TNNI3K: variants seen among roughly 807,000 people sequenced by gnomAD.
The protein encoded by TNNI3K is serine/threonine-protein kinase TNNI3K.
TNNI3K carries 140 observed loss-of-function variants against 114.5 expected under a neutral mutation model. The observed-to-expected ratio is 1.22, with a 90% CI of 1.07 to 1.41. The LOEUF (loss-of-function observed/expected upper bound fraction) is 1.41, where lower values mean the gene tolerates loss of function less well. TNNI3K is among the 40% of genes most tolerant of loss of function. The pLI is 0.00. For synonymous variants in TNNI3K, 347 were observed against 347.5 expected (o/e 1.00, Z 0.02); for missense variants, 1,125 against 1,007.6 (o/e 1.12, Z -1.58).
At chr1:74,406,935 T>G (rs993227866) in intron 17 of TNNI3K, among the ~76,000 whole-genome samples, 1 of 152,236 alleles carries the variant, frequency 6.6e-6, no homozygotes, top group Non-Finnish European at 1.5e-5. Flanking sequence ...TTGCCTCGTT[T>G]CTTCCTTATC....
At chr1:74,256,283 C>CTTTTTTTTTTTTTTTTTTTTTTTTTT (rs61636791) in intron 4 of TNNI3K, among the ~76,000 whole-genome samples, 1 of 42,780 alleles carries the variant, frequency 2.3e-5, no homozygotes. Context: ...TGTGGTCAGT[C>CTTTTTTTTTTTTTTTTTTTTTTTTTT]TTTTTTTTTT....
intron 21 of TNNI3K, chr1:74,472,013 C>T (rs1399607044): frequency 2.9e-6 from 2 of 690,652 alleles, no homozygotes; most frequent in Non-Finnish European, 2.7e-6. Context: ...ACATAGTGTT[C>T]CTCAGGCTCA....
chr1:74,303,839 A>C (rs1311415854), intron 5 of TNNI3K, among the ~76,000 whole-genome samples: 1 of 152,230 alleles, frequency 6.6e-6, no homozygotes, highest in Non-Finnish European at 1.5e-5. Flanking sequence ...AAATACCTAC[A>C]GTAACAGGAG....
chr1:74,532,562 T>A (rs1231746297), intron 23 of TNNI3K, among the ~76,000 whole-genome samples: 2 of 152,008 alleles, frequency 1.3e-5, no homozygotes, highest in Non-Finnish European at 2.9e-5. Context: ...GCCATGCTGG[T>A]GTGCTGCACC....
intron 4 of TNNI3K, among the ~76,000 whole-genome samples, chr1:74,259,609 C>T (rs1289032919): frequency 6.6e-6 from 1 of 152,068 alleles, no homozygotes; most frequent in African/African-American, 2.4e-5. Context: ...CTTGTCTCTA[C>T]TAAAAATACA....
intron 7 of TNNI3K, among the ~76,000 whole-genome samples, chr1:74,338,688 G>A (rs1660602334): frequency 6.6e-6 from 1 of 152,046 alleles, no homozygotes; most frequent in South Asian, 2.1e-4. Context: ...TACCCATAAG[G>A]AATATACAAA....
intron 17 of TNNI3K, among the ~76,000 whole-genome samples, chr1:74,426,134 A>G (rs550252910): frequency 1.4e-4 from 21 of 152,254 alleles, no homozygotes; most frequent in African/African-American, 4.8e-4. Context: ...TGTGTTCGCT[A>G]AGGGGAGATG....
intron 20 of TNNI3K, among the ~76,000 whole-genome samples, chr1:74,450,491 T>C (rs1666940288): frequency 6.6e-6 from 1 of 152,090 alleles, no homozygotes; most frequent in Non-Finnish European, 1.5e-5. Context: ...AGAAAATGTT[T>C]ATTATCTATC....
chr1:74,523,441 C>A (rs142887992), intron 23 of TNNI3K, among the ~76,000 whole-genome samples: 4 of 151,220 alleles, frequency 2.6e-5, no homozygotes, highest in African/African-American at 9.7e-5. Flanking sequence ...TAAGATTTTT[C>A]TTTTTTTTAA....
intron 24 of TNNI3K, among the ~76,000 whole-genome samples, chr1:74,543,069 T>C (rs1226479530): frequency 0.44 from 38,601 of 87,986 alleles, 13,086 homozygotes; most frequent in East Asian, 0.7. Context: ...TTTCCCTTTT[T>C]TTTTTTTTTT....
At chr1:74,495,942 G>A (rs528628121) in intron 23 of TNNI3K, among the ~76,000 whole-genome samples, 99 of 152,266 alleles carry the variant, frequency 6.5e-4, no homozygotes, top group South Asian at 4.6e-3. Context: ...TAAAGTCAGA[G>A]AGCCCAAGGA....
chr1:74,375,155 T>A (rs1213202590), intron 17 of TNNI3K: 1 of 156,354 alleles, frequency 6.4e-6, no homozygotes, highest in Admixed American at 6.2e-5. Context: ...GCATTTTTTA[T>A]TACTCTTAAT....
chr1:74,245,458 T>A (rs1158388053), intron 2 of TNNI3K, among the ~76,000 whole-genome samples: 1 of 152,174 alleles, frequency 6.6e-6, no homozygotes, highest in East Asian at 1.9e-4. Context: ...CCCAGGACAT[T>A]TTTCAGTAGA....
At chr1:74,520,465 T>C (rs181415231) in intron 23 of TNNI3K, among the ~76,000 whole-genome samples, 31 of 152,114 alleles carry the variant, frequency 2.0e-4, no homozygotes, top group African/African-American at 5.5e-4. Context: ...GACCTTCTCA[T>C]TTCTGAGGCC....
chr1:74,315,263 A>G (rs771778108), intron 5 of TNNI3K, among the ~76,000 whole-genome samples: 3 of 152,186 alleles, frequency 2.0e-5, no homozygotes, highest in Admixed American at 6.5e-5. Context: ...AGATTCCATT[A>G]TTAGTCTAGT....
chr1:74,302,124 A>C (rs995684383), intron 5 of TNNI3K, among the ~76,000 whole-genome samples: 1 of 152,210 alleles, frequency 6.6e-6, no homozygotes, highest in Non-Finnish European at 1.5e-5. Context: ...CCTGTGTCAC[A>C]TTTTGATAAT....
rs1290177020 is a variant in TNNI3K, at chr1:74,336,158, A to G, written c.682+9A>G. The stretch of plus-strand genomic sequence containing the variant: ...AGGCAGCAAAGCAGATGGTAAGATT[A>G]TATATTTAAAAGACCTTTGCTATCA... On this transcript the variant is annotated intron_variant, in intron 7 of 24. Coordinates refer to ENST00000326637, the MANE Select transcript of TNNI3K (RefSeq NM_015978.3). 8 of 1,591,404 alleles carry G rather than the reference A, an allele frequency of 5.0e-6. No homozygotes were observed. Among genetic ancestry groups the G allele is most frequent in the African/African-American group, 2.7e-5 (2 of 73,258 alleles).
chr1:74,362,050 T>G (rs1174491752), intron 11 of TNNI3K, among the ~76,000 whole-genome samples: 1 of 152,044 alleles, frequency 6.6e-6, no homozygotes, highest in Non-Finnish European at 1.5e-5. Flanking sequence ...TCTTTCATAT[T>G]TAAGTGATGA....
rs1660438343 is a variant in TNNI3K, at chr1:74,335,906, C to T, written c.544-105C>T. ...TTGGACTTCTTGCTAGGTGATATAA[C>T]AATAAATTTTTGTGGTTTAAGCCAG... On this transcript the variant is annotated intron_variant, in intron 6 of 24. Coordinates refer to ENST00000326637, the MANE Select transcript of TNNI3K (RefSeq NM_015978.3). 5.5e-6 allele frequency: 7 copies of T among 1,265,930 alleles called. No homozygotes were observed. The South Asian group carries it at 1.2e-4, about 22-fold the overall frequency. The allele number at this position is 1,265,930 out of a possible 1,614,324, so 78.4% of individuals were successfully genotyped here.
Sources: allele counts gnomAD v4.1 joint callset (sites outside exome capture counted in the v4.1 genomes callset), GRCh38; gene constraint gnomAD v4.1.1; transcripts MANE v1.5; gene names NCBI Gene and HGNC (gene_info 2026-07-23, HGNC 2026-07-21).